GGA2: variants seen among roughly 807,000 people sequenced by gnomAD.
The protein encoded by GGA2 is ADP-ribosylation factor-binding protein GGA2.
GGA2 carries 48 observed loss-of-function variants against 79.5 expected under a neutral mutation model. The observed-to-expected ratio is 0.60, with a 90% CI of 0.48 to 0.77. The LOEUF (loss-of-function observed/expected upper bound fraction) is 0.77. Ranked by LOEUF, GGA2 falls within the 30% of genes least tolerant of loss-of-function variation. GGA2 has a pLI of 0.00. For missense variants in GGA2, 770 were observed against 774.0 expected (o/e 0.99, Z 0.06); for synonymous variants, 317 against 302.0 (o/e 1.05, Z -0.51).
intron 1 of GGA2, among the ~76,000 whole-genome samples, chr16:23,504,877 A>G (rs1964957251): frequency 6.6e-6 from 1 of 152,228 alleles, no homozygotes; most frequent in Admixed American, 6.5e-5. Flanking sequence ...AGCGTGCTAC[A>G]GGGCCAGAGG....
Position 23,510,441 on chromosome 16 carries a change from C to A in GGA2, c.-30G>T. On this transcript the variant is annotated 5_prime_UTR_variant, in exon 1 of 17. Transcript: ENST00000309859. ...CCAGCCCCGACGCTGCGGCCGCGGGCGCCACTGCCTCTTCAGCCGCTGTAG... is the reference window on the plus strand; with the variant it reads ...CCAGCCCCGACGCTGCGGCCGCGGGAGCCACTGCCTCTTCAGCCGCTGTAG... 1 of 894,078 alleles carries A rather than the reference C, an allele frequency of 1.1e-6. No individual in the cohort carries two copies. Among genetic ancestry groups the A allele is most frequent in the Non-Finnish European group, 1.5e-6 (1 of 662,908 alleles). 55.4% of individuals were successfully genotyped at this position (894,078 alleles called of 1,614,324 possible).
At chr16:23,474,772 C>T in intron 14 of GGA2, 132 bp downstream of exon 14, 1 of 715,720 alleles carries the variant, frequency 1.4e-6, no homozygotes, top group Non-Finnish European at 2.5e-6. Context: ...ACTTTCTGCC[C>T]TCATGCAAAA....
upstream of GGA2, chr16:23,524,205 C>T (rs1008533477): frequency 4.4e-6 from 3 of 678,164 alleles, no homozygotes; most frequent in Non-Finnish European, 7.9e-6. Context: ...CAAAAACGTG[C>T]CTGTGGTGGA....
intron 13 of GGA2, among the ~76,000 whole-genome samples, chr16:23,478,012 G>T (rs1964596084): frequency 6.6e-6 from 1 of 150,666 alleles, no homozygotes; most frequent in South Asian, 2.1e-4. Flanking sequence ...GGCCAACATG[G>T]TGAAACCCCG....
At chr16:23,490,066 G>C (rs1380224923) in intron 5 of GGA2, among the ~76,000 whole-genome samples, 1 of 152,188 alleles carries the variant, frequency 6.6e-6, no homozygotes, top group Non-Finnish European at 1.5e-5. Flanking sequence ...CCTCTGACAA[G>C]GGATGGCTGT....
rs765286087 is a variant in GGA2, at chr16:23,478,589, C to T, written c.1159-88G>A. ...CCAAGGCACAGCTCTCCTGAGCCCA[C>T]CCAAGCTGCTGTGGCCCAGACTGGT... On this transcript the variant is annotated intron_variant, in intron 12 of 16. Coordinates refer to ENST00000309859, the MANE Select transcript of GGA2 (RefSeq NM_015044.4). 8 of 1,320,164 alleles carry T rather than the reference C, an allele frequency of 6.1e-6. No individual in the cohort carries two copies. The Admixed American group carries it at 1.3e-4, about 22-fold the overall frequency. The allele number at this position is 1,320,164 out of a possible 1,614,324, so 81.8% of individuals were successfully genotyped here.
At chr16:23,511,970 T>C (rs1965070236), upstream of GGA2, among the ~76,000 whole-genome samples, 1 of 75,748 alleles carries the variant, frequency 1.3e-5, no homozygotes. Context: ...TATTTTGCAT[T>C]GGTATCAACT....
At chr16:23,472,898 G>A (rs1964529049) in intron 14 of GGA2, among the ~76,000 whole-genome samples, 1 of 151,312 alleles carries the variant, frequency 6.6e-6, no homozygotes, top group Admixed American at 6.6e-5. Flanking sequence ...GCTGGGCGTG[G>A]TTGTGGGCAC....
At chr16:23,510,071 T>C (rs1298073953) in intron 1 of GGA2, among the ~76,000 whole-genome samples, 1 of 104,058 alleles carries the variant, frequency 9.6e-6, no homozygotes, top group East Asian at 3.2e-4. Context: ...GGTCCTGTGC[T>C]GCTGCTAAGT....
At chr16:23,476,562 A>C (rs540397785) in intron 13 of GGA2, among the ~76,000 whole-genome samples, 35 of 152,358 alleles carry the variant, frequency 2.3e-4, no homozygotes, top group African/African-American at 8.2e-4. Flanking sequence ...GTAGCTATTA[A>C]GACTGAGGCA....
chr16:23,494,384 G>C lies in GGA2; in HGVS notation c.177-6C>G. 1 of 1,603,614 alleles carries C rather than the reference G, an allele frequency of 6.2e-7. No homozygotes were observed. Among genetic ancestry groups the C allele is most frequent in the Non-Finnish European group, 8.5e-7 (1 of 1,170,376 alleles). ...GCCAGGGCGCATGTGTGGGGCTACA[G>C]GGAAACAAAAAGACCTAGACTCTGG... On this transcript the variant is annotated splice_polypyrimidine_tract_variant and splice_region_variant and intron_variant, in intron 2 of 16. Coordinates refer to ENST00000309859, the MANE Select transcript of GGA2 (RefSeq NM_015044.4).
rs759580978 is a variant in GGA2 at position 23,478,928 on chromosome 16, G to C, written c.1130-17C>G. 1.9e-6 allele frequency: 3 copies of C among 1,576,694 alleles called. No individual in the cohort carries two copies. The highest frequency in any genetic ancestry group is 1.1e-5 in the South Asian group (1 of 90,328). On this transcript the variant is annotated splice_polypyrimidine_tract_variant and intron_variant, in intron 11 of 16. Transcript: ENST00000309859. ...CACTGATTCCTGTAAGAAAGGAGTA[G>C]AGTGAGATGCCTAACAGTAACTCCA... is the stretch of plus-strand genomic sequence containing the variant.
intron 1 of GGA2, among the ~76,000 whole-genome samples, chr16:23,509,337 G>C (rs1214349831): frequency 6.6e-6 from 1 of 152,126 alleles, no homozygotes; most frequent in Non-Finnish European, 1.5e-5. Flanking sequence ...CTTGTCCCCA[G>C]CTTTTGCACA....
upstream of GGA2, chr16:23,524,247 G>A: frequency 1.2e-6 from 1 of 802,610 alleles, no homozygotes; most frequent in Non-Finnish European, 2.1e-6. Flanking sequence ...GTCAGAGATT[G>A]TTTCCACTCT....
At chr16:23,511,624 C>T (rs1443103118), upstream of GGA2, among the ~76,000 whole-genome samples, 2 of 152,052 alleles carry the variant, frequency 1.3e-5, no homozygotes, top group African/African-American at 4.8e-5. Context: ...CTAACATGTC[C>T]TGCATTCCTC....
chr16:23,494,515 G>C, intron 2 of GGA2, 137 bp from the exon 3 acceptor site: 2 of 682,596 alleles, frequency 2.9e-6, no homozygotes, highest in South Asian at 1.6e-5. Flanking sequence ...CTGACAAACA[G>C]GCCACGCGGG....
intron 16 of GGA2, 51 bp from the exon 17 acceptor site, chr16:23,467,751 A>G: frequency 1.1e-6 from 1 of 873,798 alleles, no homozygotes; most frequent in Non-Finnish European, 2.0e-6. Flanking sequence ...CAACCCAGGA[A>G]CAGGGGTCAA....
In GGA2 at chr16:23,465,583, A is replaced by G. The variant is rs1964425774; in HGVS notation, c.*2007T>C. The stretch of plus-strand genomic sequence containing the variant: ...ACCCATTTTGACCAAAACCCTTCAG[A>G]GGGAGATGCTGTCATTATGATGGGT... On this transcript the variant is annotated 3_prime_UTR_variant, in exon 17 of 17. Transcript: ENST00000309859. 3.3e-6 allele frequency: 2 copies of G among 606,470 alleles called. No homozygotes were observed. The highest frequency in any genetic ancestry group is 1.8e-5 in the African/African-American group (1 of 54,196). 37.6% of individuals were successfully genotyped at this position (606,470 alleles called of 1,614,324 possible). A position where few individuals can be genotyped will look rare whatever the true frequency, so the allele number is the denominator to read the frequency against.
chr16:23,493,974 A>G, intron 3 of GGA2: 4 of 370,574 alleles, frequency 1.1e-5, no homozygotes, highest in Non-Finnish European at 1.5e-5. Context: ...ATACCTGCCA[A>G]CAGCTAGTGG....
Sources: allele counts gnomAD v4.1 joint callset (sites outside exome capture counted in the v4.1 genomes callset), GRCh38; gene constraint gnomAD v4.1.1; transcripts MANE v1.5; gene names NCBI Gene and HGNC (gene_info 2026-07-23, HGNC 2026-07-21).